TBKBP1: variants seen among roughly 807,000 people sequenced by gnomAD.
TBKBP1 encodes TBK1 binding protein 1, also known as TANK-binding kinase 1-binding protein 1.
Under a neutral mutation model 69.9 loss-of-function variants are expected in TBKBP1, and 47 were observed. That is an observed-to-expected ratio of 0.67 (90% CI 0.53 to 0.86). The LOEUF is 0.86. Among genes scored for constraint, TBKBP1 ranks in the 40% least tolerant of loss-of-function variants. The pLI is 0.00. For missense variants in TBKBP1, 831 were observed against 858.6 expected (o/e 0.97, Z 0.40); for synonymous variants, 418 against 390.3 (o/e 1.07, Z -0.84).
intron 7 of TBKBP1, among the ~76,000 whole-genome samples, chr17:47,706,828 G>GAGACAC (rs2031712986): frequency 7.5e-6 from 1 of 134,158 alleles, no homozygotes; most frequent in African/African-American, 2.8e-5. Flanking sequence ...GTTAGACTTA[G>GAGACAC]ACACACACAC....
chr17:47,702,985 C>T (rs111380510), intron 7 of TBKBP1, among the ~76,000 whole-genome samples: 100 of 12,662 alleles, frequency 7.9e-3, no homozygotes, highest in Non-Finnish European at 0.013. Flanking sequence ...AGGGGAAATG[C>T]GGGGGGGGGA....
In TBKBP1 at chr17:47,708,251, T is replaced by G; in HGVS notation, c.873-143T>G. ...AGCTGGACCTTAAAGGTAGGGAGGATTTCTGCAATTGGGGTAGGAGGGCCC... is the reference window on the plus strand; with the variant it reads ...AGCTGGACCTTAAAGGTAGGGAGGAGTTCTGCAATTGGGGTAGGAGGGCCC... On this transcript the variant is annotated intron_variant, in intron 7 of 9. Transcript: ENST00000578982. The surrounding 1 kb of genome is among the most constrained non-coding windows in gnomAD (Gnocchi z 4.4). 1 of 774,778 alleles carries G rather than the reference T, an allele frequency of 1.3e-6. No homozygotes were observed. Among genetic ancestry groups the G allele is most frequent in the Non-Finnish European group, 2.1e-6 (1 of 481,094 alleles). The allele number at this position is 774,778 out of a possible 1,614,324, so 48.0% of individuals were successfully genotyped here. A position where few individuals can be genotyped will look rare whatever the true frequency, so the allele number is the denominator to read the frequency against.
intron 1 of TBKBP1, chr17:47,695,583 G>C (rs2031190957): frequency 6.5e-6 from 1 of 152,998 alleles, no homozygotes; most frequent in African/African-American, 2.4e-5. Flanking sequence ...GTTGGGCGGG[G>C]GTGCAGCCGA....
At chr17:47,698,419 A>G (rs1268546028) in intron 4 of TBKBP1, among the ~76,000 whole-genome samples, 176 bp from the exon 5 acceptor site, 1 of 152,222 alleles carries the variant, frequency 6.6e-6, no homozygotes, top group Non-Finnish European at 1.5e-5. Flanking sequence ...GCCAGGGGCA[A>G]CAGCCCGCAA....
intron 7 of TBKBP1, among the ~76,000 whole-genome samples, chr17:47,699,942 C>A (rs1190272018): frequency 6.6e-6 from 1 of 151,694 alleles, no homozygotes; most frequent in Non-Finnish European, 1.5e-5. Context: ...CCTGCCTCAG[C>A]CTCCCGAGTA....
intron 1 of TBKBP1, among the ~76,000 whole-genome samples, chr17:47,695,001 C>A (rs977262025): frequency 6.6e-6 from 1 of 151,838 alleles, no homozygotes; most frequent in East Asian, 1.9e-4. Context: ...GCCGAGCCCC[C>A]TCTCCGGGGT....
rs1031855563 is a variant in TBKBP1, at chr17:47,696,327, A to G, written c.215A>G (p.Tyr72Cys). ...NATLRRRLKV[Y>C]EIKYPLISDF... is the part of the protein sequence containing the mutation. ...ACCCTCCGACGCCGCCTCAAAGTCTACGAGATCAAGGTCAGAACTTGGAGA... is the reference window on the plus strand; with the variant it reads ...ACCCTCCGACGCCGCCTCAAAGTCTGCGAGATCAAGGTCAGAACTTGGAGA... Residue 72 changes from tyrosine to cysteine, a missense_variant, in exon 2 of 10, where the codon TAC becomes TGC. Tyr to Cys is a radical substitution (Grantham distance 194). Coordinates refer to ENST00000578982, the MANE Select transcript of TBKBP1 (RefSeq NM_001394755.1). The G allele has an allele frequency of 6.2e-6, 10 of 1,612,788 alleles. No homozygotes were observed. Among genetic ancestry groups the G allele is most frequent in the Non-Finnish European group, 8.5e-6 (10 of 1,179,844 alleles).
chr17:47,699,775 T>A (rs1288927372), intron 7 of TBKBP1, 78 bp downstream of exon 7: 64 of 1,548,174 alleles, frequency 4.1e-5, no homozygotes, highest in Non-Finnish European at 5.4e-5. Context: ...GTGTGGTGTC[T>A]GGGCTGCTGT....
At position 47,710,360 on chromosome 17, in the gene TBKBP1, G is replaced by A. The variant is rs960199586; in HGVS notation, c.1720-138G>A. ...CACTGAGCTGGTGTGGGGGAGGACG[G>A]TGCTGAAGAAAGGGTGGCTGGACCC... On this transcript the variant is annotated intron_variant, in intron 9 of 9. Coordinates refer to ENST00000578982, the MANE Select transcript of TBKBP1 (RefSeq NM_001394755.1). 44 of 1,163,010 alleles carry A rather than the reference G, an allele frequency of 3.8e-5. No individual in the cohort carries two copies. In the African/African-American group the frequency reaches 5.6e-4, roughly 15 times the overall value. The allele number at this position is 1,163,010 out of a possible 1,614,324, so 72.0% of individuals were successfully genotyped here. A position where few individuals can be genotyped will look rare whatever the true frequency, so the allele number is the denominator to read the frequency against.
intron 9 of TBKBP1, among the ~76,000 whole-genome samples, chr17:47,709,755 C>G (rs1742863259): frequency 6.6e-6 from 1 of 152,212 alleles, no homozygotes; most frequent in Non-Finnish European, 1.5e-5. Flanking sequence ...GCTGTGGGAC[C>G]TTGTGCAAGT....
Position 47,709,442 on chromosome 17 carries a change from C to T in TBKBP1, c.1709C>T (p.Pro570Leu). The change falls in exon 9 of 10, where the codon CCG becomes CTG. Residue 570 changes from proline (P) to leucine (L), a missense_variant. Transcript: ENST00000578982. ...YAHAEHAQSW[P>L]SINLLMETVG... is the part of the protein sequence containing the mutation. ...CACGCCGAGCACGCGCAGTCCTGGC[C>T]GTCCATCAACGTGAGTGGGGCGCCC... 6.5e-7 allele frequency: 1 copy of T among 1,529,048 alleles called. No homozygotes were observed. Among genetic ancestry groups the T allele is most frequent in the Non-Finnish European group, 8.7e-7 (1 of 1,146,150 alleles). 94.7% of individuals were successfully genotyped at this position (1,529,048 alleles called of 1,614,324 possible).
chr17:47,699,466 C>A lies in TBKBP1; in HGVS notation c.781C>A (p.Leu261Met). ...QAECERLQGE[L>M]KQLQETRAQD... ...CGAGTGCGAGCGGCTGCAGGGGGAG[C>A]TGAAGCAGCTGCAGGAGACCCGGGC... The change falls in exon 6 of 10, where the codon CTG becomes ATG. Residue 261 changes from leucine (L) to methionine (M), a missense_variant. By Grantham distance (15) the Leu-to-Met change is conservative. Transcript: ENST00000578982. 1 of 1,573,678 alleles carries A rather than the reference C, an allele frequency of 6.4e-7. No individual in the cohort carries two copies. The highest frequency in any genetic ancestry group is 8.6e-7 in the Non-Finnish European group (1 of 1,160,454).
At chr17:47,709,583 C>T in intron 9 of TBKBP1, 131 bp downstream of exon 9, 1 of 1,312,770 alleles carries the variant, frequency 7.6e-7, no homozygotes, top group Non-Finnish European at 9.9e-7. Context: ...TCCTTGGACC[C>T]CGGGCCACAG....
Position 47,708,823 on chromosome 17 carries a change from CA to C in TBKBP1, c.1091del (p.Gln364ArgfsTer89). On this transcript the variant is annotated frameshift_variant, in exon 9 of 10. Coordinates refer to ENST00000578982, the MANE Select transcript of TBKBP1 (RefSeq NM_001394755.1). LOFTEE classifies it high-confidence loss of function. This position sits in a 1 kb window ranked among gnomAD's most constrained non-coding sequence, Gnocchi z 4.4. ...ARAAPPCPPC[Q>X]SPVPQRRSPV... ...AGCGGCTCCCCCGTGCCCCCCGTGC[CA>C]GTCCCCCGTCCCCCAGCGCCGCTCT... is the stretch of plus-strand genomic sequence containing the variant. The C allele has an allele frequency of 7.3e-7, 1 of 1,368,192 alleles. No individual in the cohort carries two copies. The highest frequency in any genetic ancestry group is 9.6e-7 in the Non-Finnish European group (1 of 1,038,178). The allele number at this position is 1,368,192 out of a possible 1,614,324, so 84.8% of individuals were successfully genotyped here.
chr17:47,695,716 T>G (rs367979214), intron 1 of TBKBP1: 502 of 178,374 alleles, frequency 2.8e-3, no homozygotes, highest in Middle Eastern at 7.3e-3. Flanking sequence ...AAGTAAGGCC[T>G]GGGGTGGAGA....
chr17:47,695,856 G>GT (rs2031207768), intron 1 of TBKBP1: 1 of 421,232 alleles, frequency 2.4e-6, no homozygotes, highest in Non-Finnish European at 4.3e-6. Flanking sequence ...CAACACCCTG[G>GT]CAGCGGGGTC....
Position 47,708,365 on chromosome 17 carries a change from T to TGA in TBKBP1, c.873-29_873-28insGA, listed in dbSNP as rs2031768715. On this transcript the variant is annotated intron_variant, in intron 7 of 9. Coordinates refer to ENST00000578982, the MANE Select transcript of TBKBP1 (RefSeq NM_001394755.1). The surrounding 1 kb of genome is among the most constrained non-coding windows in gnomAD (Gnocchi z 4.4). ...TGGGACGGTAGACCCACTGCCCTTC[T>TGA]CGTCTTTCCCACTGCCCTCTGACTT... 8.7e-6 allele frequency: 14 copies of TGA among 1,612,308 alleles called. No individual in the cohort carries two copies. The highest frequency in any genetic ancestry group is 1.2e-5 in the Non-Finnish European group (14 of 1,178,500).
chr17:47,706,438 C>G (rs936797735), intron 7 of TBKBP1, among the ~76,000 whole-genome samples: 2 of 152,136 alleles, frequency 1.3e-5, no homozygotes, highest in Admixed American at 1.3e-4. Flanking sequence ...GACCCATGAG[C>G]TGAGGATGAG....
intron 7 of TBKBP1, among the ~76,000 whole-genome samples, chr17:47,702,868 C>A (rs1255769555): frequency 1.3e-5 from 2 of 152,008 alleles, no homozygotes; most frequent in African/African-American, 4.8e-5. Flanking sequence ...GGGTTCCCAG[C>A]CCAGGTGGAA....
Sources: allele counts gnomAD v4.1 joint callset (sites outside exome capture counted in the v4.1 genomes callset), GRCh38; gene constraint gnomAD v4.1.1; non-coding constraint Gnocchi (gnomAD v3.1); transcripts MANE v1.5; gene names NCBI Gene and HGNC (gene_info 2026-07-23, HGNC 2026-07-21).